NAV1: variants seen among roughly 807,000 people sequenced by gnomAD.
NAV1 encodes the protein neuron navigator 1.
Under a neutral mutation model 175.2 loss-of-function variants are expected in NAV1, and 18 were observed. The ratio of observed to expected loss-of-function variants is 0.10; its 90% CI spans 0.07 to 0.15. NAV1 has a LOEUF of 0.15. NAV1 is among the 10% of genes least tolerant of loss of function. NAV1 has a pLI of 1.00. For synonymous variants in NAV1, 897 were observed against 978.7 expected, an observed-to-expected ratio of 0.92 and a Z score of 1.56; for missense variants, 1,731 against 2,436.6, an observed-to-expected ratio of 0.71 and a Z score of 6.10.
At position 201,788,425 on chromosome 1, in the gene NAV1, C is replaced by T; in HGVS notation, c.2996-43C>T. On this transcript the variant is annotated intron_variant, in intron 9 of 29. Coordinates refer to ENST00000367296, the Ensembl canonical transcript of NAV1. This position sits in a 1 kb window ranked among gnomAD's most constrained non-coding sequence, Gnocchi z 5.7. The stretch of plus-strand genomic sequence containing the variant: ...CTGATGACCCTGCCTCTTTTCCTGC[C>T]CTCCTGCTCCCTCTCCTGTCCCCCT... The T allele has an allele frequency of 6.2e-7, 1 of 1,610,046 alleles. No individual in the cohort carries two copies. The highest frequency in any genetic ancestry group is 1.1e-5 in the South Asian group (1 of 90,964).
chr1:201,646,565 A>G (rs1668984859), upstream of NAV1, among the ~76,000 whole-genome samples: 1 of 152,150 alleles, frequency 6.6e-6, no homozygotes, highest in Admixed American at 6.5e-5. Context: ...TGTCTCCAAG[A>G]CAGCCAAGAG....
chr1:201,750,246 G>A lies in NAV1; in HGVS notation c.1227-30175G>A, dbSNP rs1419896111. On this transcript the variant is annotated intron_variant, in intron 3 of 29. Transcript: ENST00000367296. This position sits in a 1 kb window ranked among gnomAD's most constrained non-coding sequence, Gnocchi z 4.1. ...TACATGTAATGAGTGCCTAAGGAAG[G>A]TATGAAAAACCCTTCCCTGGAAGTC... is the stretch of plus-strand genomic sequence containing the variant. Among the ~76,000 whole-genome samples, 3 of 152,176 alleles carry A rather than the reference G, an allele frequency of 2.0e-5. No individual in the cohort carries two copies. Among genetic ancestry groups the A allele is most frequent in the African/African-American group, 7.2e-5 (3 of 41,450 alleles).
intron 1 of NAV1, among the ~76,000 whole-genome samples, chr1:201,540,142 C>G (rs1204091110): frequency 6.6e-6 from 1 of 152,104 alleles, no homozygotes; most frequent in South Asian, 2.1e-4. Context: ...CTGGAGAGGA[C>G]GCGAGTGGCG....
chr1:201,617,129 C>G (rs932765221), intron 2 of NAV1, among the ~76,000 whole-genome samples: 1 of 151,982 alleles, frequency 6.6e-6, no homozygotes, highest in African/African-American at 2.4e-5. Flanking sequence ...AATTTCAGAT[C>G]AGGGTACTTA....
At chr1:201,691,770 G>A (rs777638913) in intron 1 of NAV1, among the ~76,000 whole-genome samples, 5 of 152,164 alleles carry the variant, frequency 3.3e-5, no homozygotes, top group African/African-American at 4.8e-5. Flanking sequence ...TTATAGAACT[G>A]CCCACTAATT....
chr1:201,610,526 G>A (rs1667814850), intron 2 of NAV1, among the ~76,000 whole-genome samples: 1 of 152,228 alleles, frequency 6.6e-6, no homozygotes, highest in African/African-American at 2.4e-5. Context: ...GATTCTGAGG[G>A]AGGTGTTGGA....
intron 14 of NAV1, 28 bp downstream of exon 18, chr1:201,793,903 G>A (rs1217605125): frequency 6.6e-7 from 1 of 1,504,426 alleles, no homozygotes; most frequent in Non-Finnish European, 9.2e-7. Flanking sequence ...GGGTGGGAGG[G>A]GTGGGTGCGG....
At chr1:201,665,585 A>ATAGGTGGGCAGATAGCC (rs1558049625) in intron 1 of NAV1, among the ~76,000 whole-genome samples, 10 of 105,492 alleles carry the variant, frequency 9.5e-5, no homozygotes, top group Admixed American at 3.2e-4. Flanking sequence ...GGGCAAGAGC[A>ATAGGTGGGCAGATAGCC]CCCCACCCCC....
chr1:201,799,931 C>A (rs1677742597), intron 15 of NAV1, among the ~76,000 whole-genome samples: 1 of 151,374 alleles, frequency 6.6e-6, no homozygotes. Context: ...TAATTGAAAC[C>A]TTCAAATAAC....
chr1:201,697,164 C>T (rs1486155151), intron 1 of NAV1, among the ~76,000 whole-genome samples: 1 of 152,114 alleles, frequency 6.6e-6, no homozygotes, highest in Non-Finnish European at 1.5e-5. Flanking sequence ...TTAGTCTAAG[C>T]CGAGTCCTTT....
chr1:201,611,783 C>G (rs534681271), intron 2 of NAV1, among the ~76,000 whole-genome samples: 3 of 152,150 alleles, frequency 2.0e-5, no homozygotes, highest in Admixed American at 6.5e-5. Context: ...CTGAGATGAG[C>G]GAGGATCGGA....
chr1:201,814,970 T>TG (rs1025172112), intron 28 of NAV1, among the ~76,000 whole-genome samples: 16 of 135,742 alleles, frequency 1.2e-4, no homozygotes, highest in Non-Finnish European at 2.0e-4. Context: ...ACCTGGGAGG[T>TG]GGAGCTTGCA....
intron 2 of NAV1, among the ~76,000 whole-genome samples, chr1:201,715,624 G>A (rs1672107809): frequency 6.6e-6 from 1 of 152,248 alleles, no homozygotes; most frequent in African/African-American, 2.4e-5. Flanking sequence ...TACTCTGCAT[G>A]CTCAGAACCC....
At chr1:201,607,171 A>G (rs1329377925) in intron 2 of NAV1, among the ~76,000 whole-genome samples, 1 of 145,002 alleles carries the variant, frequency 6.9e-6, no homozygotes, top group African/African-American at 2.6e-5. Context: ...GCTGGAGTGC[A>G]GTGGCAGGAT....
At chr1:201,775,130 A>G (rs1387396040) in intron 3 of NAV1, among the ~76,000 whole-genome samples, 1 of 152,198 alleles carries the variant, frequency 6.6e-6, no homozygotes, top group Non-Finnish European at 1.5e-5. Flanking sequence ...ATTCCCCTCC[A>G]TCTGCTCCCA....
At chr1:201,575,114 G>A (rs529789138) in intron 1 of NAV1, among the ~76,000 whole-genome samples, 24 of 152,342 alleles carry the variant, frequency 1.6e-4, no homozygotes, top group African/African-American at 5.0e-4. Flanking sequence ...TGGAATGGCT[G>A]AAAGTGACTT....
upstream of NAV1, among the ~76,000 whole-genome samples, chr1:201,645,097 C>T (rs1280966782): frequency 2.0e-5 from 3 of 152,128 alleles, no homozygotes; most frequent in Non-Finnish European, 4.4e-5. Flanking sequence ...AAGACACATG[C>T]ACACGTATGT....
intron 1 of NAV1, among the ~76,000 whole-genome samples, chr1:201,548,182 T>C (rs1317073802): frequency 6.6e-6 from 1 of 152,226 alleles, no homozygotes; most frequent in African/African-American, 2.4e-5. Flanking sequence ...TTTAATAATA[T>C]TTATGTAGTC....
At chr1:201,628,415 C>T (rs921940305) in intron 1 of NAV1, among the ~76,000 whole-genome samples, 1 of 150,928 alleles carries the variant, frequency 6.6e-6, no homozygotes, top group Admixed American at 6.6e-5. Context: ...TGATGGAAGC[C>T]GGACCCAGAG....
Sources: gnomAD v4.1 joint callset for allele counts (sites outside exome capture counted in the v4.1 genomes callset) on GRCh38, gnomAD v4.1.1 for gene constraint, Gnocchi (gnomAD v3.1) non-coding constraint, MANE v1.5 for transcripts, NCBI Gene and HGNC (gene_info 2026-07-23, HGNC 2026-07-21) for gene names.